Variants in TRAF3IP2 observed in about 807,000 individuals in gnomAD.
TRAF3IP2 encodes the protein E3 ubiquitin ligase TRAF3IP2.
A neutral mutation model predicts 57.9 loss-of-function variants in TRAF3IP2; 35 were observed. The observed-to-expected ratio is 0.60, with a 90% CI of 0.46 to 0.80. The LOEUF is 0.80. TRAF3IP2 is among the 30% of genes least tolerant of loss of function. TRAF3IP2 has a pLI of 0.00. For synonymous variants in TRAF3IP2, 251 were observed against 268.9 expected (o/e 0.93, Z 0.65); for missense variants, 556 against 706.4 (o/e 0.79, Z 2.41).
At chr6:111,570,178 G>T (rs1795786149) in intron 5 of TRAF3IP2, among the ~76,000 whole-genome samples, 1 of 152,210 alleles carries the variant, frequency 6.6e-6, no homozygotes, top group Non-Finnish European at 1.5e-5. Context: ...GCCTCAGGAT[G>T]AAATGAACCC....
rs1311563177 is a variant in TRAF3IP2, at chr6:111,559,174, T to G, written c.*231A>C. On this transcript the variant is annotated 3_prime_UTR_variant, in exon 9 of 9. Coordinates refer to ENST00000368761, the MANE Select transcript of TRAF3IP2 (RefSeq NM_147686.4). ...ATGGGACACTGGCACCTGCAATGGT[T>G]TTTTTAAAAGCAGAGAATGCAGAGC... 2.1e-6 allele frequency: 1 copy of G among 486,130 alleles called. No homozygotes were observed. The highest frequency in any genetic ancestry group is 1.9e-5 in the African/African-American group (1 of 52,194). 30.1% of individuals were successfully genotyped at this position (486,130 alleles called of 1,614,324 possible).
intron 1 of TRAF3IP2, chr6:111,598,306 C>G (rs1796760422): frequency 6.0e-6 from 1 of 167,366 alleles, no homozygotes; most frequent in Non-Finnish European, 1.3e-5. Context: ...AAGCTTATGC[C>G]CTTTGACCTA....
intron 3 of TRAF3IP2, 147 bp downstream of exon 3, chr6:111,580,050 G>A: frequency 2.2e-6 from 2 of 898,416 alleles, no homozygotes; most frequent in Non-Finnish European, 3.3e-6. Context: ...CTCCTGACCT[G>A]AAAAGTCTAT....
chr6:111,594,600 C>T, intron 1 of TRAF3IP2: 1 of 416,130 alleles, frequency 2.4e-6, no homozygotes, highest in Admixed American at 2.8e-5. Flanking sequence ...AGGTCATCCT[C>T]TGGTGGGAAT....
intron 2 of TRAF3IP2, chr6:111,586,917 G>A (rs776703648): frequency 7.9e-5 from 12 of 152,168 alleles, no homozygotes; most frequent in Non-Finnish European, 1.3e-4. Flanking sequence ...ACTAAAAGCT[G>A]TTAGTATTGA....
At chr6:111,590,254 G>T (rs951762657) in intron 2 of TRAF3IP2, among the ~76,000 whole-genome samples, 7 of 152,180 alleles carry the variant, frequency 4.6e-5, no homozygotes, top group African/African-American at 1.7e-4. Flanking sequence ...GAAAGTACAC[G>T]TTTGCATTTG....
chr6:111,560,774 A>C (rs928766884), intron 8 of TRAF3IP2, among the ~76,000 whole-genome samples: 1 of 152,230 alleles, frequency 6.6e-6, no homozygotes, highest in East Asian at 1.9e-4. Context: ...CCATGCTCCA[A>C]TAATTCTCAA....
chr6:111,572,830 T>C, intron 5 of TRAF3IP2, 65 bp downstream of exon 5: 1 of 1,273,456 alleles, frequency 7.9e-7, no homozygotes, highest in South Asian at 1.2e-5. Context: ...CTTTTTCTTC[T>C]GCTGCTTTTC....
In TRAF3IP2 at chr6:111,591,959, G is replaced by A. The variant is rs1796539533; in HGVS notation, c.128C>T (p.Ala43Val). The A allele has an allele frequency of 6.2e-7, 1 of 1,614,204 alleles. No homozygotes were observed. The highest frequency in any genetic ancestry group is 8.5e-7 in the Non-Finnish European group (1 of 1,180,034). The change falls in exon 2 of 9, where the codon GCA becomes GTA. Residue 43 changes from alanine (A) to valine (V), a missense_variant. By Grantham distance (64) the Ala-to-Val change is moderately conservative. Around this residue, in one of 2 missense-constraint regions of TRAF3IP2, gnomAD observed 428 missense variants for 498.7 expected, o/e 0.86. Transcript: ENST00000368761. The surrounding 1 kb of genome is among the most constrained non-coding windows in gnomAD (Gnocchi z 4.9). ...TGTGGGTGCAGACAAGCTGTTGGGT[G>A]CCATGTTCCTTATATTTGGAGCAGG... ...EPPAPNIRNM[A>V]PNSLSAPTML...
intron 1 of TRAF3IP2, among the ~76,000 whole-genome samples, chr6:111,604,630 G>A (rs747398608): frequency 2.4e-4 from 37 of 152,182 alleles, no homozygotes; most frequent in Non-Finnish European, 4.3e-4. Flanking sequence ...CCAGCCTTTC[G>A]CCCTGACTGC....
In TRAF3IP2 at chr6:111,575,715, C is replaced by T; in HGVS notation, c.1129G>A (p.Ala377Thr). The change falls in exon 4 of 9, where the codon GCT (alanine) becomes ACT (threonine). Residue 377 changes from alanine (A) to threonine (T), a missense_variant. By Grantham distance (58) the Ala-to-Thr change is moderately conservative. Coordinates refer to ENST00000368761, the MANE Select transcript of TRAF3IP2 (RefSeq NM_147686.4). ...GGGTTGCTAGGGGGTCTAGGCACAG[C>T]AGCTGGGGACGGAGGCTGGGGAACC... ...PQVPQPPSPA[A>T]VPRPPSNPPA... 2 of 1,612,820 alleles carry T rather than the reference C, an allele frequency of 1.2e-6. No homozygotes were observed. Among genetic ancestry groups the T allele is most frequent in the Non-Finnish European group, 1.7e-6 (2 of 1,179,640 alleles).
rs545921552 is a variant in TRAF3IP2, at chr6:111,559,367, A to G, written c.*38T>C. 4 of 1,601,990 alleles carry G rather than the reference A, an allele frequency of 2.5e-6. No individual in the cohort carries two copies. The highest frequency in any genetic ancestry group is 2.6e-6 in the Non-Finnish European group (3 of 1,174,570). On this transcript the variant is annotated 3_prime_UTR_variant, in exon 9 of 9. Coordinates refer to ENST00000368761, the MANE Select transcript of TRAF3IP2 (RefSeq NM_147686.4). ...AGAATGCTGTCAGAACAAGGCCCCA[A>G]ACATGGCCTGGCCTCAGTGATCTGG...
intron 7 of TRAF3IP2, among the ~76,000 whole-genome samples, chr6:111,563,726 G>A (rs1320959706): frequency 6.6e-6 from 1 of 152,212 alleles, no homozygotes; most frequent in South Asian, 2.1e-4. Flanking sequence ...AAAGTGTGTT[G>A]ATGTGGTTGG....
At chr6:111,578,794 G>C (rs560013350) in intron 3 of TRAF3IP2, among the ~76,000 whole-genome samples, 1 of 152,028 alleles carries the variant, frequency 6.6e-6, no homozygotes, top group Non-Finnish European at 1.5e-5. Context: ...ACTAATTACC[G>C]CTTTCTGTAT....
chr6:111,556,902 G>C lies in TRAF3IP2; in HGVS notation c.*2503C>G, dbSNP rs1236312568. On this transcript the variant is annotated 3_prime_UTR_variant, in exon 9 of 9. Transcript: ENST00000368761. The stretch of plus-strand genomic sequence containing the variant: ...AGCACTTTGGGAGGCCAAGGCAGGT[G>C]AATCACTTGAGCCCAGGAATTCGAG... 1 of 152,352 alleles carries C rather than the reference G, an allele frequency of 6.6e-6. No homozygotes were observed. Among genetic ancestry groups the C allele is most frequent in the African/African-American group, 2.4e-5 (1 of 41,452 alleles). 9.4% of individuals were successfully genotyped at this position (152,352 alleles called of 1,614,324 possible).
At chr6:111,563,124 C>T in intron 7 of TRAF3IP2, 85 bp from the exon 8 acceptor site, 4 of 966,678 alleles carry the variant, frequency 4.1e-6, no homozygotes, top group Non-Finnish European at 6.4e-6. Context: ...GTCCACATGG[C>T]ATTTTTATTC....
In TRAF3IP2 at chr6:111,559,070, C is replaced by A; in HGVS notation, c.*335G>T. The stretch of plus-strand genomic sequence containing the variant: ...GAGTGTTTGTAGTCATTTCCATTTG[C>A]TGCCACATCCCTTACATTATCTACT... On this transcript the variant is annotated 3_prime_UTR_variant, in exon 9 of 9. Transcript: ENST00000368761. 9.0e-6 allele frequency: 2 copies of A among 222,310 alleles called. No homozygotes were observed. Among genetic ancestry groups the A allele is most frequent in the Admixed American group, 5.3e-5 (1 of 18,804 alleles). 13.8% of individuals were successfully genotyped at this position (222,310 alleles called of 1,614,324 possible).
chr6:111,596,546 C>T (rs981172852), intron 1 of TRAF3IP2, among the ~76,000 whole-genome samples: 11 of 152,188 alleles, frequency 7.2e-5, no homozygotes, highest in East Asian at 3.9e-4. Flanking sequence ...CTCTGCCTCC[C>T]GGGTTCAAGC....
chr6:111,604,081 TAG>T (rs1206404539), intron 1 of TRAF3IP2, among the ~76,000 whole-genome samples: 1 of 152,140 alleles, frequency 6.6e-6, no homozygotes, highest in Non-Finnish European at 1.5e-5. Flanking sequence ...CCCAGGGGAA[TAG>T]AGAGAAATGC....
Sources: allele counts gnomAD v4.1 joint callset (sites outside exome capture counted in the v4.1 genomes callset), GRCh38; gene constraint gnomAD v4.1.1; regional missense constraint gnomAD v4.1.1; non-coding constraint Gnocchi (gnomAD v3.1); transcripts MANE v1.5; gene names NCBI Gene and HGNC (gene_info 2026-07-23, HGNC 2026-07-21).